The following CNTN4 variants were observed in gnomAD, a reference collection of about 807,000 sequenced individuals.
CNTN4 encodes contactin-4.
A neutral mutation model predicts 122.5 loss-of-function variants in CNTN4; 77 were observed. The ratio of observed to expected loss-of-function variants is 0.63; its 90% CI spans 0.52 to 0.76. The LOEUF is 0.76. Ranked by LOEUF, CNTN4 falls within the 30% of genes least tolerant of loss-of-function variation. The probability of loss-of-function intolerance (pLI) is 0.00; values close to 1 mark genes in which losing one functional copy is unlikely to be tolerated. For synonymous variants in CNTN4, 512 were observed against 447.0 expected (o/e 1.15, Z -1.83); for missense variants, 1,256 against 1,259.1 (o/e 1.00, Z 0.04).
intron 3 of CNTN4, among the ~76,000 whole-genome samples, chr3:2,560,571 C>T (rs1040237086): frequency 6.6e-6 from 1 of 152,188 alleles, no homozygotes; most frequent in African/African-American, 2.4e-5. Flanking sequence ...CTACAAACTT[C>T]TGAAGTAGGC....
chr3:2,445,090 A>T (rs941385277), intron 3 of CNTN4, among the ~76,000 whole-genome samples: 18 of 152,002 alleles, frequency 1.2e-4, no homozygotes, highest in African/African-American at 3.9e-4. Flanking sequence ...ATTTAAGCCT[A>T]CTTGTATTTT....
chr3:2,710,333 G>C (rs1193320364), intron 4 of CNTN4, among the ~76,000 whole-genome samples: 2 of 152,168 alleles, frequency 1.3e-5, no homozygotes, highest in Non-Finnish European at 2.9e-5. Flanking sequence ...GAGAGGCAAA[G>C]GAAAAAGCAG....
In CNTN4 at chr3:2,633,453, G is replaced by T. The variant is rs552215213; in HGVS notation, c.55+61895G>T. ...TCTACACATTGTCTGATTGTAAATT[G>T]TGAGGATTTCAGCATGGTGGACTTT... On this transcript the variant is annotated intron_variant, in intron 4 of 24. Coordinates refer to ENST00000418658, the MANE Select transcript of CNTN4 (RefSeq NM_175607.3). Among the ~76,000 whole-genome samples, 3 of 152,320 alleles carry T rather than the reference G, an allele frequency of 2.0e-5. No homozygotes were observed. In the South Asian group the frequency reaches 6.2e-4, roughly 32 times the overall value.
intron 14 of CNTN4, among the ~76,000 whole-genome samples, chr3:3,011,758 T>A (rs970651929): frequency 1.3e-5 from 2 of 152,142 alleles, no homozygotes; most frequent in African/African-American, 4.8e-5. Context: ...TGGAGATTCA[T>A]GTGAGCGTCT....
chr3:2,897,866 A>G (rs759859531), intron 10 of CNTN4, among the ~76,000 whole-genome samples: 19 of 152,134 alleles, frequency 1.2e-4, no homozygotes, highest in Non-Finnish European at 2.1e-4. Context: ...GTGTTTAGAC[A>G]TGGAGTTGTA....
chr3:2,379,342 A>C (rs888230449), intron 3 of CNTN4, among the ~76,000 whole-genome samples: 1 of 151,996 alleles, frequency 6.6e-6, no homozygotes, highest in Admixed American at 6.5e-5. Flanking sequence ...AGAAGCATGC[A>C]GATCTGCCTA....
rs550911962 is a variant in CNTN4 at position 2,781,199 on chromosome 3, A to C, written c.358+35502A>C. Among the ~76,000 whole-genome samples, 161 of 152,234 alleles carry C rather than the reference A, an allele frequency of 1.1e-3. 2 individuals carry two copies. Among genetic ancestry groups the C allele is most frequent in the African/African-American group, 3.7e-3 (152 of 41,546 alleles). On this transcript the variant is annotated intron_variant, in intron 6 of 24. Coordinates refer to ENST00000418658, the MANE Select transcript of CNTN4 (RefSeq NM_175607.3). ...TTCATCTTAATTCCAGAAAGCTCAA[A>C]CTCACTGAATTCAATAAATACCATT...
intron 3 of CNTN4, among the ~76,000 whole-genome samples, chr3:2,355,086 C>T (rs2044811483): frequency 6.6e-6 from 1 of 152,132 alleles, no homozygotes; most frequent in African/African-American, 2.4e-5. Flanking sequence ...CTGTGAATGC[C>T]CCCAAGCTAG....
intron 3 of CNTN4, among the ~76,000 whole-genome samples, chr3:2,398,314 G>A (rs80250979): frequency 6.6e-6 from 1 of 152,018 alleles, no homozygotes; most frequent in African/African-American, 2.4e-5. Flanking sequence ...CTTCTTTAGT[G>A]TGAAATAACT....
chr3:2,255,872 TA>T (rs1160770631), intron 2 of CNTN4, among the ~76,000 whole-genome samples: 3 of 151,876 alleles, frequency 2.0e-5, no homozygotes, highest in Non-Finnish European at 4.4e-5. Flanking sequence ...ACATCACAGT[TA>T]AAAGAACCAG....
chr3:2,912,665 C>T (rs1489429153), intron 12 of CNTN4, among the ~76,000 whole-genome samples: 1 of 152,106 alleles, frequency 6.6e-6, no homozygotes, highest in Non-Finnish European at 1.5e-5. Context: ...TTTGTGTCAT[C>T]AGTAACAAAG....
intron 6 of CNTN4, among the ~76,000 whole-genome samples, chr3:2,771,983 CG>C (rs757054493): frequency 1.1e-4 from 16 of 151,962 alleles, no homozygotes; most frequent in Non-Finnish European, 2.2e-4. Context: ...TGGATATGCA[CG>C]GGACATGGAA....
chr3:2,788,226 G>C (rs953243156), intron 6 of CNTN4, among the ~76,000 whole-genome samples: 5 of 152,164 alleles, frequency 3.3e-5, no homozygotes, highest in African/African-American at 1.2e-4. Flanking sequence ...GGACATTTGG[G>C]AAGAGAGAAG....
chr3:2,822,160 G>C (rs1207987694), intron 7 of CNTN4, among the ~76,000 whole-genome samples: 3 of 152,176 alleles, frequency 2.0e-5, no homozygotes, highest in Non-Finnish European at 4.4e-5. Context: ...TCTGTGTTTG[G>C]AAAATGGGAT....
chr3:2,384,009 G>A (rs1296700389), intron 3 of CNTN4, among the ~76,000 whole-genome samples: 1 of 152,030 alleles, frequency 6.6e-6, no homozygotes, highest in Non-Finnish European at 1.5e-5. Context: ...AATTAAAAAT[G>A]TATTCACATC....
chr3:3,047,189 C>T, intron 23 of CNTN4, among the ~76,000 whole-genome samples: 1 of 151,974 alleles, frequency 6.6e-6, no homozygotes, highest in East Asian at 1.9e-4. Context: ...GAGACTTTAA[C>T]ACCCCACTGT....
chr3:3,022,514 C>T (rs2125606010), intron 14 of CNTN4, among the ~76,000 whole-genome samples: 1 of 152,258 alleles, frequency 6.6e-6, no homozygotes, highest in South Asian at 2.1e-4. Context: ...GAAAGTCTTT[C>T]CACCAGCAGT....
intron 4 of CNTN4, among the ~76,000 whole-genome samples, chr3:2,731,689 G>A (rs1028130118): frequency 9.9e-5 from 15 of 152,202 alleles, no homozygotes; most frequent in Non-Finnish European, 1.5e-5. Context: ...CAAGGCAGAT[G>A]ATGCCCTGGG....
intron 2 of CNTN4, among the ~76,000 whole-genome samples, chr3:2,254,086 G>C (rs1316616170): frequency 2.5e-5 from 3 of 119,892 alleles, no homozygotes; most frequent in Non-Finnish European, 3.2e-5. Flanking sequence ...TCCCCTCCCT[G>C]TGTCCATGTG....
Sources: gnomAD v4.1 joint callset for allele counts (sites outside exome capture counted in the v4.1 genomes callset) on GRCh38, gnomAD v4.1.1 for gene constraint, MANE v1.5 for transcripts, NCBI Gene and HGNC (gene_info 2026-07-23, HGNC 2026-07-21) for gene names.